Variants in UBAC2 observed in about 807,000 individuals in gnomAD.
The protein encoded by UBAC2 is ubiquitin-associated domain-containing protein 2.
UBAC2 carries 26 observed loss-of-function variants against 44.0 expected under a neutral mutation model. That is an observed-to-expected ratio of 0.59 (90% CI 0.43 to 0.82). The LOEUF is 0.82. Among genes scored for constraint, UBAC2 ranks in the 40% least tolerant of loss-of-function variants. UBAC2 has a pLI of 0.00. For missense variants in UBAC2, 329 were observed against 419.4 expected (o/e 0.78, Z 1.88); for synonymous variants, 155 against 154.3 (o/e 1.00, Z -0.04).
At chr13:99,346,667 C>T (rs980296670) in intron 7 of UBAC2, among the ~76,000 whole-genome samples, 2 of 152,138 alleles carry the variant, frequency 1.3e-5, no homozygotes, top group Non-Finnish European at 2.9e-5. Context: ...GCTATTTACT[C>T]GGCATTCCTG....
At chr13:99,274,457 T>C (rs1379650892) in intron 4 of UBAC2, among the ~76,000 whole-genome samples, 1 of 151,618 alleles carries the variant, frequency 6.6e-6, no homozygotes, top group Non-Finnish European at 1.5e-5. Context: ...CCCCAGTAGC[T>C]GAGACTACAG....
intron 4 of UBAC2, among the ~76,000 whole-genome samples, chr13:99,246,514 T>C (rs895379405): frequency 6.6e-6 from 1 of 152,202 alleles, no homozygotes; most frequent in African/African-American, 2.4e-5. Flanking sequence ...GGTATGTGTG[T>C]CTGTGTTAGA....
intron 1 of UBAC2, among the ~76,000 whole-genome samples, chr13:99,234,222 G>A (rs1271585729): frequency 4.5e-5 from 5 of 111,740 alleles, no homozygotes; most frequent in African/African-American, 3.5e-5. Context: ...TCACTCTGTC[G>A]CCCAGGCTGG....
intron 1 of UBAC2, among the ~76,000 whole-genome samples, chr13:99,228,344 A>G (rs1205131723): frequency 6.6e-6 from 1 of 151,360 alleles, no homozygotes; most frequent in Non-Finnish European, 1.5e-5. Context: ...CTGGAGTGCA[A>G]TGGCACAATC....
chr13:99,343,444 C>T (rs2044924630), intron 7 of UBAC2, among the ~76,000 whole-genome samples: 1 of 152,184 alleles, frequency 6.6e-6, no homozygotes, highest in Non-Finnish European at 1.5e-5. Flanking sequence ...TGAGACAGAC[C>T]CAAACCCCTG....
intron 1 of UBAC2, among the ~76,000 whole-genome samples, chr13:99,217,693 T>C (rs1300350104): frequency 2.6e-5 from 4 of 152,116 alleles, no homozygotes; most frequent in Non-Finnish European, 4.4e-5. Flanking sequence ...AGGCGTTTCC[T>C]TTGGTCTCTG....
chr13:99,269,761 C>G (rs2043793130), intron 4 of UBAC2, among the ~76,000 whole-genome samples: 1 of 152,126 alleles, frequency 6.6e-6, no homozygotes, highest in Non-Finnish European at 1.5e-5. Flanking sequence ...AGCTGTTTTC[C>G]CCTTTCTGAA....
At chr13:99,372,614 C>G (rs921894023) in intron 8 of UBAC2, 1 of 152,318 alleles carries the variant, frequency 6.6e-6, no homozygotes, top group Non-Finnish European at 1.5e-5. Context: ...GGTGGCGTCA[C>G]CGGCTCTGAG....
intron 1 of UBAC2, among the ~76,000 whole-genome samples, chr13:99,236,240 C>A (rs2043231576): frequency 6.6e-6 from 1 of 151,990 alleles, no homozygotes; most frequent in Non-Finnish European, 1.5e-5. Context: ...AGTTGCACAG[C>A]AAAAGAAACA....
intron 4 of UBAC2, among the ~76,000 whole-genome samples, chr13:99,292,206 G>C (rs1464818422): frequency 6.7e-6 from 1 of 150,374 alleles, no homozygotes; most frequent in Non-Finnish European, 1.5e-5. Context: ...TGCAATCTCT[G>C]CTCACTGCAA....
At chr13:99,348,877 G>A (rs1368115646) in intron 7 of UBAC2, among the ~76,000 whole-genome samples, 1 of 152,202 alleles carries the variant, frequency 6.6e-6, no homozygotes. Flanking sequence ...GCTGGGCGTG[G>A]TGGCCTGTGC....
chr13:99,357,851 G>A (rs540048075), intron 7 of UBAC2, among the ~76,000 whole-genome samples: 2 of 152,112 alleles, frequency 1.3e-5, no homozygotes, highest in African/African-American at 2.4e-5. Context: ...AACCCCATAC[G>A]CCTTAACTCA....
intron 8 of UBAC2, among the ~76,000 whole-genome samples, chr13:99,384,156 G>A (rs745508876): frequency 6.6e-6 from 1 of 152,156 alleles, no homozygotes; most frequent in Non-Finnish European, 1.5e-5. Flanking sequence ...TTTCCACCAT[G>A]TAGCACCAAG....
intron 4 of UBAC2, among the ~76,000 whole-genome samples, chr13:99,279,971 G>T (rs1242343533): frequency 6.6e-6 from 1 of 152,130 alleles, no homozygotes; most frequent in African/African-American, 2.4e-5. Context: ...CCCACATAGT[G>T]GACACAACTG....
chr13:99,268,611 C>CA (rs756827927), intron 4 of UBAC2, among the ~76,000 whole-genome samples: 12,715 of 74,996 alleles, frequency 0.17, 1,710 homozygotes, highest in South Asian at 0.28. Flanking sequence ...GACTCTGTCT[C>CA]AAAAAAAAAA....
Position 99,340,431 on chromosome 13 carries a change from T to A in UBAC2, c.673T>A (p.Ser225Thr), listed in dbSNP as rs749614151. Reference sequence around the variant, plus strand: ...GACACTTGAACCCATCTTCTCTTCTTCAGAACCCACCAGCGAAGCCAGAAT... The same window carrying A: ...GACACTTGAACCCATCTTCTCTTCTACAGAACCCACCAGCGAAGCCAGAAT... Reference protein sequence around the residue: ...SWTLEPIFSSSEPTSEARIGM... With the variant: ...SWTLEPIFSSTEPTSEARIGM... The change falls in exon 7 of 9, where the codon TCA becomes ACA. Residue 225 changes from serine (S) to threonine (T), a missense_variant. By Grantham distance (58) the Ser-to-Thr change is moderately conservative. Coordinates refer to ENST00000403766, the MANE Select transcript of UBAC2 (RefSeq NM_001144072.2). The A allele has an allele frequency of 6.2e-7, 1 of 1,614,210 alleles. No individual in the cohort carries two copies. The highest frequency in any genetic ancestry group is 1.7e-5 in the Admixed American group (1 of 60,024).
intron 4 of UBAC2, among the ~76,000 whole-genome samples, chr13:99,299,269 G>C (rs1029050135): frequency 6.6e-6 from 1 of 152,208 alleles, no homozygotes; most frequent in Non-Finnish European, 1.5e-5. Context: ...TCCTTCATTA[G>C]GGGATTAAAT....
At chr13:99,373,174 T>G (rs957387514) in intron 8 of UBAC2, among the ~76,000 whole-genome samples, 4 of 33,192 alleles carry the variant, frequency 1.2e-4, no homozygotes, top group African/African-American at 2.2e-4. Context: ...TTTTATTGTT[T>G]TTTTTTTTTT....
At chr13:99,368,543 G>A (rs908125840) in intron 8 of UBAC2, among the ~76,000 whole-genome samples, 8 of 152,212 alleles carry the variant, frequency 5.3e-5, no homozygotes, top group African/African-American at 1.7e-4. Flanking sequence ...AAATTATGCT[G>A]TGTGTATTAT....
Sources: gnomAD v4.1 joint callset for allele counts (sites outside exome capture counted in the v4.1 genomes callset) on GRCh38, gnomAD v4.1.1 for gene constraint, MANE v1.5 for transcripts, NCBI Gene and HGNC (gene_info 2026-07-23, HGNC 2026-07-21) for gene names.